Variants in SDK1 observed in about 807,000 individuals in gnomAD.
SDK1 encodes sidekick cell adhesion molecule 1.
SDK1 carries 157 observed loss-of-function variants against 245.5 expected under a neutral mutation model. The ratio of observed to expected loss-of-function variants is 0.64; its 90% CI spans 0.56 to 0.73. The LOEUF is 0.73. SDK1 is among the 30% of genes least tolerant of loss of function. The pLI is 0.00. For synonymous variants in SDK1, 1,647 were observed against 1,278.5 expected (o/e 1.29, Z -6.15); for missense variants, 3,583 against 3,002.3 (o/e 1.19, Z -4.52).
intron 5 of SDK1, among the ~76,000 whole-genome samples, chr7:3,918,958 A>G (rs978381692): frequency 1.3e-5 from 2 of 152,206 alleles, no homozygotes; most frequent in Admixed American, 6.5e-5. Context: ...TTATTCTTCT[A>G]TCTATTATTA....
chr7:3,605,061 A>G (rs575927282), intron 1 of SDK1, among the ~76,000 whole-genome samples: 5 of 148,790 alleles, frequency 3.4e-5, no homozygotes, highest in African/African-American at 1.2e-4. Context: ...AGTTCTTTTA[A>G]TTTTTTTTAG....
At chr7:3,891,339 G>A (rs1002415209) in intron 5 of SDK1, among the ~76,000 whole-genome samples, 10 of 152,146 alleles carry the variant, frequency 6.6e-5, no homozygotes, top group Admixed American at 6.6e-4. Context: ...GCACTCTTCT[G>A]TCATCCTCCA....
intron 13 of SDK1, among the ~76,000 whole-genome samples, chr7:3,985,432 G>A (rs1008990592): frequency 2.6e-5 from 4 of 152,204 alleles, no homozygotes; most frequent in African/African-American, 9.7e-5. Context: ...GGGAGGAGTA[G>A]AATTGATAAC....
intron 1 of SDK1, among the ~76,000 whole-genome samples, chr7:3,571,154 G>T (rs1239564243): frequency 6.6e-6 from 1 of 151,970 alleles, no homozygotes; most frequent in Non-Finnish European, 1.5e-5. Flanking sequence ...ACTTACTGAA[G>T]TTGATAATTT....
At chr7:4,137,948 A>G (rs1584259319) in intron 28 of SDK1, among the ~76,000 whole-genome samples, 1 of 152,338 alleles carries the variant, frequency 6.6e-6, no homozygotes, top group South Asian at 2.1e-4. Context: ...GCTGTCTTCT[A>G]TTGTCCATCG....
At position 3,419,691 on chromosome 7, in the gene SDK1, A is replaced by G. The variant is rs141119681; in HGVS notation, c.298+117807A>G. On this transcript the variant is annotated intron_variant, in intron 1 of 44. Transcript: ENST00000404826. ...TTTCTAGTTCTGACAACTGAATTAC[A>G]TGTACACCTTTGGAACATAATCTGT... is the stretch of plus-strand genomic sequence containing the variant. Among the ~76,000 whole-genome samples the G allele has an allele frequency of 3.8e-3, 573 of 152,300 alleles. 1 individual carries two copies. Among genetic ancestry groups the G allele is most frequent in the Non-Finnish European group, 4.3e-3 (292 of 68,028 alleles).
At chr7:3,775,254 G>A (rs868616180) in intron 4 of SDK1, among the ~76,000 whole-genome samples, 1 of 152,002 alleles carries the variant, frequency 6.6e-6, no homozygotes, top group Middle Eastern at 3.2e-3. Context: ...CACTATTTTG[G>A]CCCTCTTGGT....
intron 1 of SDK1, among the ~76,000 whole-genome samples, chr7:3,579,039 C>T (rs1334844506): frequency 6.6e-6 from 1 of 151,884 alleles, no homozygotes; most frequent in Non-Finnish European, 1.5e-5. Context: ...TGTTCCTCTG[C>T]CGCGGCTCCA....
chr7:4,220,731 C>T (rs58686602), intron 39 of SDK1, among the ~76,000 whole-genome samples: 1 of 151,752 alleles, frequency 6.6e-6, no homozygotes, highest in South Asian at 2.1e-4. Flanking sequence ...TGTGGGGTGC[C>T]CTGCACCTGC....
In SDK1 at chr7:3,622,941, A is replaced by G. The variant is rs372222565; in HGVS notation, c.458+3702A>G. Among the ~76,000 whole-genome samples the G allele has an allele frequency of 4.0e-3, 612 of 152,114 alleles. 6 individuals are homozygous for G. The highest frequency in any genetic ancestry group is 0.014 in the African/African-American group (596 of 41,484). On this transcript the variant is annotated intron_variant, in intron 2 of 44. Transcript: ENST00000404826. ...TATAAAACCTGTCTAAAAATCTCAT[A>G]CTATTTTTTCAAATTACTCTTTCAT...
At chr7:3,742,012 A>ATG (rs1779491338) in intron 4 of SDK1, among the ~76,000 whole-genome samples, 4 of 145,296 alleles carry the variant, frequency 2.8e-5, no homozygotes, top group Non-Finnish European at 6.1e-5. Flanking sequence ...ATATATATAT[A>ATG]TGCTGTATTT....
chr7:3,952,822 T>A (rs990114036), intron 7 of SDK1, among the ~76,000 whole-genome samples: 6 of 152,140 alleles, frequency 3.9e-5, no homozygotes, highest in African/African-American at 1.4e-4. Context: ...TATTAGTGTT[T>A]AGGGAGTGTG....
At chr7:3,393,057 G>A (rs554990109) in intron 1 of SDK1, among the ~76,000 whole-genome samples, 3 of 135,088 alleles carry the variant, frequency 2.2e-5, no homozygotes, top group Middle Eastern at 4.8e-3. Context: ...TGCAATCTCC[G>A]CCTCCTAGGT....
chr7:3,810,363 T>G (rs575068177), intron 4 of SDK1, among the ~76,000 whole-genome samples: 1 of 152,304 alleles, frequency 6.6e-6, no homozygotes, highest in East Asian at 1.9e-4. Flanking sequence ...AATTTTTATT[T>G]TAGCAGAAAA....
chr7:4,006,902 G>C (rs1785524640), intron 14 of SDK1, among the ~76,000 whole-genome samples: 1 of 152,230 alleles, frequency 6.6e-6, no homozygotes, highest in Admixed American at 6.5e-5. Context: ...GGGCCAGGCT[G>C]GCGGGATGGG....
chr7:3,722,343 A>G (rs1183666746), intron 4 of SDK1, among the ~76,000 whole-genome samples: 1 of 152,132 alleles, frequency 6.6e-6, no homozygotes, highest in African/African-American at 2.4e-5. Flanking sequence ...TTAGGAAACA[A>G]TCAGAACAAT....
intron 1 of SDK1, among the ~76,000 whole-genome samples, chr7:3,383,651 A>G (rs911775155): frequency 4.6e-5 from 7 of 152,168 alleles, no homozygotes; most frequent in African/African-American, 1.7e-4. Context: ...AGAATTCTTT[A>G]AAGAGGCATG....
intron 1 of SDK1, among the ~76,000 whole-genome samples, chr7:3,317,885 A>C (rs1779702309): frequency 6.6e-6 from 1 of 152,114 alleles, no homozygotes; most frequent in South Asian, 2.1e-4. Flanking sequence ...TATATTATGC[A>C]GTTTTTATTA....
intron 5 of SDK1, among the ~76,000 whole-genome samples, chr7:3,879,927 T>G (rs1457934014): frequency 4.8e-5 from 7 of 146,100 alleles, no homozygotes; most frequent in Non-Finnish European, 1.1e-4. Context: ...ACATGACCAT[T>G]TTTTTTTTCC....
Sources: allele counts gnomAD v4.1 joint callset (sites outside exome capture counted in the v4.1 genomes callset), GRCh38; gene constraint gnomAD v4.1.1; transcripts MANE v1.5; gene names NCBI Gene and HGNC (gene_info 2026-07-23, HGNC 2026-07-21).